NLGN1: variants seen among roughly 807,000 people sequenced by gnomAD.
NLGN1 encodes the protein neuroligin-1.
Under a neutral mutation model 65.5 loss-of-function variants are expected in NLGN1, and 12 were observed. That is an observed-to-expected ratio of 0.18 (90% CI 0.12 to 0.30). The LOEUF (loss-of-function observed/expected upper bound fraction) is 0.30, where lower values mean the gene tolerates loss of function less well. Among genes scored for constraint, NLGN1 ranks in the 10% least tolerant of loss-of-function variants. The probability of loss-of-function intolerance (pLI) is 1.00; values close to 1 mark genes in which losing one functional copy is unlikely to be tolerated. For synonymous variants in NLGN1, 350 were observed against 359.5 expected (o/e 0.97, Z 0.30); for missense variants, 750 against 1,007.1 (o/e 0.74, Z 3.46).
chr3:173,974,939 C>A (rs936504392), intron 4 of NLGN1, among the ~76,000 whole-genome samples: 1 of 151,986 alleles, frequency 6.6e-6, no homozygotes, highest in African/African-American at 2.4e-5. Context: ...GAGCCAATAA[C>A]CCTTTTCTCA....
chr3:174,286,324 AATG>A (rs1468855804), exon 7 of NLGN1: 3 of 151,458 alleles, frequency 2.0e-5, no homozygotes, highest in East Asian at 1.9e-4. Context: ...AGTTGAAATG[AATG>A]ATAACAATTA....
At chr3:173,882,358 C>T (rs1219608071) in intron 4 of NLGN1, among the ~76,000 whole-genome samples, 1 of 152,152 alleles carries the variant, frequency 6.6e-6, no homozygotes, top group Non-Finnish European at 1.5e-5. Context: ...TTCTTTGAAG[C>T]TTTGAAACTG....
At chr3:173,702,721 T>C (rs1767422381) in intron 3 of NLGN1, among the ~76,000 whole-genome samples, 1 of 152,176 alleles carries the variant, frequency 6.6e-6, no homozygotes, top group South Asian at 2.1e-4. Context: ...GAAGCCCAGG[T>C]TTGTGGATGA....
intron 4 of NLGN1, among the ~76,000 whole-genome samples, chr3:173,902,958 A>G (rs569239170): frequency 2.6e-5 from 4 of 152,248 alleles, no homozygotes; most frequent in Admixed American, 1.3e-4. Context: ...TAAAAGTACC[A>G]TGTGTTTACT....
chr3:173,422,628 T>G (rs1284615822), intron 1 of NLGN1, among the ~76,000 whole-genome samples: 1 of 152,192 alleles, frequency 6.6e-6, no homozygotes, highest in Non-Finnish European at 1.5e-5. Flanking sequence ...TGCCAGCATC[T>G]GTTATTTTTT....
chr3:173,539,474 C>T (rs576499968), intron 2 of NLGN1, among the ~76,000 whole-genome samples: 114 of 140,008 alleles, frequency 8.1e-4, no homozygotes, highest in Middle Eastern at 8.8e-3. Flanking sequence ...TATGTATATA[C>T]GCATATGCAT....
chr3:173,921,294 T>C lies in NLGN1; in HGVS notation c.646+113462T>C, dbSNP rs191829955. ...AGCATTATTATACATTTAATATATA[T>C]TATATATTTCTACTATATATTATAT... On this transcript the variant is annotated intron_variant, in intron 4 of 6. Coordinates refer to ENST00000457714, the Ensembl canonical transcript of NLGN1. Among the ~76,000 whole-genome samples the C allele has an allele frequency of 1.0e-3, 152 of 147,728 alleles. 2 individuals are homozygous for C. In the East Asian group the frequency reaches 0.025, roughly 24 times the overall value.
intron 4 of NLGN1, among the ~76,000 whole-genome samples, chr3:174,255,384 C>T (rs1457481891): frequency 7.4e-6 from 1 of 135,244 alleles, no homozygotes; most frequent in African/African-American, 2.8e-5. Flanking sequence ...TGCAGTGAGC[C>T]GAGATCGTGC....
intron 4 of NLGN1, among the ~76,000 whole-genome samples, chr3:174,161,503 A>T (rs1400394015): frequency 2.0e-5 from 3 of 151,916 alleles, no homozygotes; most frequent in Non-Finnish European, 2.9e-5. Flanking sequence ...GACAACTAGT[A>T]TTGCCAGTGA....
At chr3:173,878,402 T>C (rs1288425178) in intron 4 of NLGN1, among the ~76,000 whole-genome samples, 1 of 152,118 alleles carries the variant, frequency 6.6e-6, no homozygotes, top group Non-Finnish European at 1.5e-5. Flanking sequence ...ATATCATAAA[T>C]ACCTTTCTGT....
intron 3 of NLGN1, among the ~76,000 whole-genome samples, chr3:173,771,042 T>A (rs2150262089): frequency 6.6e-6 from 1 of 152,304 alleles, no homozygotes; most frequent in African/African-American, 2.4e-5. Context: ...AAATCCCTAT[T>A]GTTTTTCAAA....
At chr3:173,756,498 A>G (rs2041251682) in intron 3 of NLGN1, among the ~76,000 whole-genome samples, 1 of 151,916 alleles carries the variant, frequency 6.6e-6, no homozygotes, top group East Asian at 1.9e-4. Context: ...ATTCTTCAGT[A>G]CATGTGTGTA....
intron 3 of NLGN1, among the ~76,000 whole-genome samples, chr3:173,679,599 A>G (rs1182737175): frequency 2.0e-5 from 3 of 152,144 alleles, no homozygotes; most frequent in Non-Finnish European, 4.4e-5. Context: ...AATTTTCTCT[A>G]TGAATGTAAA....
intron 3 of NLGN1, among the ~76,000 whole-genome samples, chr3:173,663,614 T>A (rs960739898): frequency 1.3e-5 from 2 of 151,920 alleles, no homozygotes; most frequent in Non-Finnish European, 2.9e-5. Context: ...CCTAAAGATA[T>A]TAAAACCACC....
At chr3:174,226,844 C>T (rs192333265) in intron 4 of NLGN1, among the ~76,000 whole-genome samples, 18 of 152,244 alleles carry the variant, frequency 1.2e-4, no homozygotes, top group African/African-American at 2.9e-4. Flanking sequence ...TCCAAATTGG[C>T]AGTTCAGGGA....
intron 4 of NLGN1, among the ~76,000 whole-genome samples, chr3:174,167,117 A>G (rs1414718229): frequency 6.6e-6 from 1 of 152,028 alleles, no homozygotes; most frequent in African/African-American, 2.4e-5. Context: ...AAGAAAGATG[A>G]GTCTTGTTAT....
At chr3:173,451,919 T>A (rs549240) in intron 2 of NLGN1, among the ~76,000 whole-genome samples, 15,587 of 152,240 alleles carry the variant, frequency 0.1, 879 homozygotes, top group Admixed American at 0.14. Flanking sequence ...AGTGCAGTAT[T>A]AGGGTGGGAG....
intron 2 of NLGN1, among the ~76,000 whole-genome samples, chr3:173,539,603 T>A (rs1460049826): frequency 9.2e-6 from 1 of 108,206 alleles, no homozygotes; most frequent in Non-Finnish European, 1.9e-5. Flanking sequence ...ATATAATATA[T>A]GTATGTTATA....
intron 1 of NLGN1, among the ~76,000 whole-genome samples, chr3:173,413,429 A>G (rs1200661238): frequency 1.3e-5 from 2 of 151,866 alleles, no homozygotes; most frequent in South Asian, 2.1e-4. Flanking sequence ...ATGAAACCCC[A>G]TCTCTACTAA....
Sources: gnomAD v4.1 joint callset for allele counts (sites outside exome capture counted in the v4.1 genomes callset) on GRCh38, gnomAD v4.1.1 for gene constraint, MANE v1.5 for transcripts, NCBI Gene and HGNC (gene_info 2026-07-23, HGNC 2026-07-21) for gene names.